Variants in RCAN2 observed in about 807,000 individuals in gnomAD.
RCAN2 encodes calcipressin-2.
A neutral mutation model predicts 23.6 loss-of-function variants in RCAN2; 9 were observed. That is an observed-to-expected ratio of 0.38 (90% CI 0.23 to 0.67). RCAN2 has a LOEUF of 0.67. Among genes scored for constraint, RCAN2 ranks in the 30% least tolerant of loss-of-function variants. The pLI, the probability that RCAN2 is intolerant of heterozygous loss-of-function variation, is 0.51. For missense variants in RCAN2, 273 were observed against 302.3 expected, an observed-to-expected ratio of 0.90 and a Z score of 0.72; for synonymous variants, 109 against 115.7, an observed-to-expected ratio of 0.94 and a Z score of 0.37.
At chr6:46,421,970 G>T (rs1299206761) in intron 2 of RCAN2, among the ~76,000 whole-genome samples, 1 of 152,144 alleles carries the variant, frequency 6.6e-6, no homozygotes, top group African/African-American at 2.4e-5. Flanking sequence ...TAATTATTTA[G>T]AAATAAGAAG....
At chr6:46,455,717 G>A (rs548317388) in intron 2 of RCAN2, among the ~76,000 whole-genome samples, 17 of 151,828 alleles carry the variant, frequency 1.1e-4, no homozygotes, top group Middle Eastern at 3.4e-3. Flanking sequence ...TTAGCTGGGC[G>A]TGGTGATGGG....
intron 2 of RCAN2, among the ~76,000 whole-genome samples, chr6:46,441,768 CAT>C (rs1159576117): frequency 1.3e-5 from 2 of 152,038 alleles, no homozygotes; most frequent in Non-Finnish European, 2.9e-5. Context: ...ATAAACTACA[CAT>C]GTTCTGTTTC....
chr6:46,408,243 C>G (rs1303396509), intron 2 of RCAN2, among the ~76,000 whole-genome samples: 1 of 152,140 alleles, frequency 6.6e-6, no homozygotes, highest in Admixed American at 6.5e-5. Context: ...CATAATTTTG[C>G]TCAGGTACCT....
In RCAN2 at chr6:46,430,969, C is replaced by T. The variant is rs572542648; in HGVS notation, c.225+25783G>A. On this transcript the variant is annotated intron_variant, in intron 2 of 4. Transcript: ENST00000371374. ...CATCAATCAGGAAAATGATCTCTGG[C>T]AGAGAAGAATATGGTTGATGTAAAT... Among the ~76,000 whole-genome samples, 16 of 152,230 alleles carry T rather than the reference C, an allele frequency of 1.1e-4. No homozygotes were observed. In the East Asian group the frequency reaches 3.1e-3, roughly 29 times the overall value.
intron 2 of RCAN2, among the ~76,000 whole-genome samples, chr6:46,379,340 G>A (rs1765560798): frequency 6.6e-6 from 1 of 152,120 alleles, no homozygotes; most frequent in East Asian, 1.9e-4. Flanking sequence ...GGTCTCTCCT[G>A]CATCACCCAG....
chr6:46,388,804 G>A (rs1765844759), intron 2 of RCAN2, among the ~76,000 whole-genome samples: 1 of 152,104 alleles, frequency 6.6e-6, no homozygotes, highest in Admixed American at 6.6e-5. Context: ...GTGTTGGGGA[G>A]CCGGCAGAGT....
intron 2 of RCAN2, among the ~76,000 whole-genome samples, chr6:46,344,394 G>A (rs1352968797): frequency 6.6e-6 from 1 of 151,984 alleles, no homozygotes; most frequent in Non-Finnish European, 1.5e-5. Flanking sequence ...TGGTAAGGAA[G>A]GGAAGAAGAG....
chr6:46,307,470 G>A (rs1251486923), intron 2 of RCAN2, among the ~76,000 whole-genome samples: 2 of 151,996 alleles, frequency 1.3e-5, no homozygotes, highest in Non-Finnish European at 2.9e-5. Flanking sequence ...GGGTCATGGT[G>A]GTGGCTGAAA....
At chr6:46,465,791 G>C (rs1212674427) in intron 1 of RCAN2, among the ~76,000 whole-genome samples, 1 of 152,214 alleles carries the variant, frequency 6.6e-6, no homozygotes, top group Non-Finnish European at 1.5e-5. Context: ...GAGGGATAAG[G>C]GTGGAGAGAG....
rs115222340 is a variant in RCAN2, at chr6:46,337,246, C to T, written c.226-88350G>A. Among the ~76,000 whole-genome samples, 973 of 152,146 alleles carry T rather than the reference C, an allele frequency of 6.4e-3. 16 individuals are homozygous for T. The highest frequency in any genetic ancestry group is 0.022 in the African/African-American group (924 of 41,498). ...TAAGAGATACTCGTTTTTATTGGCA[C>T]TAATTAAGGAAGAATATTATTGCAG... is the stretch of plus-strand genomic sequence containing the variant. On this transcript the variant is annotated intron_variant, in intron 2 of 4. Coordinates refer to ENST00000371374, the MANE Select transcript of RCAN2 (RefSeq NM_001251974.2).
intron 4 of RCAN2, among the ~76,000 whole-genome samples, chr6:46,233,830 C>T (rs1365346072): frequency 2.0e-5 from 3 of 151,010 alleles, no homozygotes; most frequent in African/African-American, 4.9e-5. Flanking sequence ...TGGGTTCAAA[C>T]GATTCTCCTG....
chr6:46,365,895 T>C (rs1765160208), intron 2 of RCAN2, among the ~76,000 whole-genome samples: 1 of 152,322 alleles, frequency 6.6e-6, no homozygotes, highest in Middle Eastern at 3.4e-3. Context: ...TTTCTTTGTG[T>C]TGGGCATTAT....
At chr6:46,237,803 C>T (rs949772266) in intron 4 of RCAN2, among the ~76,000 whole-genome samples, 1 of 152,158 alleles carries the variant, frequency 6.6e-6, no homozygotes, top group Non-Finnish European at 1.5e-5. Context: ...ATGCTTGGAA[C>T]CCTATGTCCA....
intron 2 of RCAN2, among the ~76,000 whole-genome samples, chr6:46,328,473 A>G (rs1186247040): frequency 6.6e-6 from 1 of 152,216 alleles, no homozygotes; most frequent in Admixed American, 6.5e-5. Context: ...ACTCTGAACT[A>G]AAATTAGTGG....
intron 2 of RCAN2, among the ~76,000 whole-genome samples, chr6:46,424,390 T>C (rs1388111437): frequency 6.6e-6 from 1 of 152,106 alleles, no homozygotes; most frequent in East Asian, 1.9e-4. Flanking sequence ...CCTCCCATCT[T>C]AATCACTAGG....
chr6:46,268,937 G>A (rs547959223), intron 2 of RCAN2, among the ~76,000 whole-genome samples: 9 of 152,162 alleles, frequency 5.9e-5, no homozygotes, highest in Non-Finnish European at 1.3e-4. Context: ...AAACAGTCAC[G>A]TATTGTGTTT....
intron 2 of RCAN2, among the ~76,000 whole-genome samples, chr6:46,286,853 A>G (rs1762390932): frequency 6.6e-6 from 1 of 151,774 alleles, no homozygotes; most frequent in Admixed American, 6.6e-5. Context: ...AAATACAAAA[A>G]AGTTAGCTGG....
At chr6:46,406,191 G>GC (rs1272767850) in intron 2 of RCAN2, among the ~76,000 whole-genome samples, 3 of 152,170 alleles carry the variant, frequency 2.0e-5, no homozygotes, top group African/African-American at 7.2e-5. Flanking sequence ...TCTGGCCTTG[G>GC]CCAGCCCAGA....
At chr6:46,396,048 T>C (rs1003192598) in intron 2 of RCAN2, among the ~76,000 whole-genome samples, 1 of 152,244 alleles carries the variant, frequency 6.6e-6, no homozygotes, top group Non-Finnish European at 1.5e-5. Context: ...TATTTCAACA[T>C]GTTATCACCT....
Sources: allele counts gnomAD v4.1 joint callset (sites outside exome capture counted in the v4.1 genomes callset), GRCh38; gene constraint gnomAD v4.1.1; transcripts MANE v1.5; gene names NCBI Gene and HGNC (gene_info 2026-07-23, HGNC 2026-07-21).